Variants in ZGLP1 observed in about 807,000 individuals in gnomAD.
ZGLP1 encodes GATA-type zinc finger protein 1.
In ZGLP1, 11 loss-of-function variants were observed where a neutral mutation model predicts 21.4. That is an observed-to-expected ratio of 0.51 (90% CI 0.32 to 0.85). The LOEUF (loss-of-function observed/expected upper bound fraction) is 0.85, where lower values mean the gene tolerates loss of function less well. Among genes scored for constraint, ZGLP1 ranks in the 40% least tolerant of loss-of-function variants. ZGLP1 has a pLI of 0.03. For missense variants in ZGLP1, 295 were observed against 355.6 expected (o/e 0.83, Z 1.37); for synonymous variants, 148 against 145.0 (o/e 1.02, Z -0.15).
chr19:10,307,984 A>G (rs552876230), intron 1 of ZGLP1, among the ~76,000 whole-genome samples: 201 of 152,364 alleles, frequency 1.3e-3, no homozygotes, highest in African/African-American at 4.7e-3. Flanking sequence ...CAGGTCTCAC[A>G]TTGGGAGTGG....
exon 1 of ZGLP1, chr19:10,308,211 G>A (rs775790609): frequency 9.7e-6 from 15 of 1,547,888 alleles, no homozygotes; most frequent in Non-Finnish European, 1.3e-5. Flanking sequence ...TCTGCAGGCT[G>A]GAGTCCGGCT....
chr19:10,308,290 A>G, exon 1 of ZGLP1: 1 of 1,611,174 alleles, frequency 6.2e-7, no homozygotes, highest in Non-Finnish European at 8.5e-7. Context: ...GCAGGGGTTC[A>G]GCTGTTTCCG....
chr19:10,308,808 GCA>G, exon 1 of ZGLP1: 1 of 850,898 alleles, frequency 1.2e-6, no homozygotes, highest in Non-Finnish European at 1.6e-6. Context: ...GATCACCCAG[GCA>G]GGGACCGCCC....
chr19:10,307,202 A>G (rs1191512889), intron 1 of ZGLP1, among the ~76,000 whole-genome samples: 1 of 152,030 alleles, frequency 6.6e-6, no homozygotes, highest in East Asian at 1.9e-4. Context: ...TTATAATAAC[A>G]ATAAATAGGT....
In ZGLP1 at chr19:10,305,533, C is replaced by G. The variant is rs747718950; in HGVS notation, c.605-50G>C. On this transcript the variant is annotated intron_variant, in intron 2 of 3. Coordinates refer to ENST00000403903, the Ensembl canonical transcript of ZGLP1. The surrounding 1 kb of genome is among the most constrained non-coding windows in gnomAD (Gnocchi z 4.7). ...AGGGGTCAGAGGCCAAGCATGTGAG[C>G]TCGGGATGCCTGTGCGGAGTCGGGC... 5.4e-6 allele frequency: 8 copies of G among 1,490,150 alleles called. 1 individual carries two copies. The Admixed American group carries it at 1.4e-4, about 26-fold the overall frequency. The allele number at this position is 1,490,150 out of a possible 1,614,324, so 92.3% of individuals were successfully genotyped here.
In ZGLP1 at chr19:10,308,181, C is replaced by T. The variant is rs750603178; in HGVS notation, c.497+4G>A. Reference sequence around the variant, plus strand: ...AGGGCGGCCTGGCCCCAGCCGGCCCCTACCTGTACGTGGGGATGATCTGCA... The same window carrying T: ...AGGGCGGCCTGGCCCCAGCCGGCCCTTACCTGTACGTGGGGATGATCTGCA... On this transcript the variant is annotated splice_donor_region_variant and intron_variant, in intron 1 of 3. Coordinates refer to ENST00000403903, the Ensembl canonical transcript of ZGLP1. 3 of 1,525,448 alleles carry T rather than the reference C, an allele frequency of 2.0e-6. No individual in the cohort carries two copies. The highest frequency in any genetic ancestry group is 2.6e-6 in the Non-Finnish European group (3 of 1,137,530). The allele number at this position is 1,525,448 out of a possible 1,614,324, so 94.5% of individuals were successfully genotyped here.
rs868462399 is a variant in ZGLP1, at chr19:10,306,012, T to G, written c.498-60A>C. On this transcript the variant is annotated intron_variant, in intron 1 of 3. Transcript: ENST00000403903. ...ATCTGTAGCTTGTCCCCAACAGCCC[T>G]CCGAAATGAAGATTTAGTATCAAGG... The G allele has an allele frequency of 2.9e-4, 363 of 1,259,688 alleles. 3 individuals are homozygous for G. The Middle Eastern group carries it at 2.9e-3, about 10-fold the overall frequency. 78.0% of individuals were successfully genotyped at this position (1,259,688 alleles called of 1,614,324 possible).
chr19:10,305,700 G>T lies in ZGLP1; in HGVS notation c.604+146C>A. The T allele has an allele frequency of 2.6e-6, 2 of 763,634 alleles. No individual in the cohort carries two copies. Among genetic ancestry groups the T allele is most frequent in the Admixed American group, 2.1e-5 (1 of 47,648 alleles). The allele number at this position is 763,634 out of a possible 1,614,324, so 47.3% of individuals were successfully genotyped here. On this transcript the variant is annotated intron_variant, in intron 2 of 3. Coordinates refer to ENST00000403903, the Ensembl canonical transcript of ZGLP1. This position sits in a 1 kb window ranked among gnomAD's most constrained non-coding sequence, Gnocchi z 4.7. ...GGAAGCTGGGGGTGGGGGTGACTCA[G>T]CCCAAGTGGAGGGGGGTGCTGCGAC... is the stretch of plus-strand genomic sequence containing the variant.
chr19:10,305,199 T>C lies in ZGLP1; in HGVS notation c.708A>G (p.Lys236=). 1.2e-6 allele frequency: 2 copies of C among 1,613,972 alleles called. No homozygotes were observed. Among genetic ancestry groups the C allele is most frequent in the Non-Finnish European group, 1.7e-6 (2 of 1,179,884 alleles). The change falls in exon 4 of 4, where the codon AAA becomes AAG. Residue 236 remains lysine (K), a synonymous_variant. Coordinates refer to ENST00000403903, the Ensembl canonical transcript of ZGLP1. This position sits in a 1 kb window ranked among gnomAD's most constrained non-coding sequence, Gnocchi z 4.7. ...AGCAGCTGGAGCAGCGAGTGCCGTA[T>C]TTCTTGTACCTAGGGTTGGGGGACA...
chr19:10,308,139 C>T (rs908104055), intron 1 of ZGLP1, 46 bp downstream of exon 2: 1 of 1,507,292 alleles, frequency 6.6e-7, no homozygotes, highest in South Asian at 1.3e-5. Context: ...CTGGTGTTTG[C>T]GTTGTAACTG....
rs1054545448 is a variant in ZGLP1 at position 10,304,806 on chromosome 19, C to T, written c.*285G>A. 6 of 405,302 alleles carry T rather than the reference C, an allele frequency of 1.5e-5. No homozygotes were observed. The Admixed American group carries it at 2.1e-4, about 14-fold the overall frequency. The allele number at this position is 405,302 out of a possible 1,614,324, so 25.1% of individuals were successfully genotyped here. On this transcript the variant is annotated 3_prime_UTR_variant, in exon 4 of 4. Transcript: ENST00000403903. ...ATCCCAAATCACAGGCTTTTTCTCT[C>T]GGCATATCTCTGTACTTTATTGTCC... is the stretch of plus-strand genomic sequence containing the variant.
At chr19:10,308,137 T>G in intron 1 of ZGLP1, 48 bp downstream of exon 2, 3 of 1,506,340 alleles carry the variant, frequency 2.0e-6, no homozygotes, top group Non-Finnish European at 2.6e-6. Flanking sequence ...CACTGGTGTT[T>G]GCGTTGTAAC....
Position 10,305,223 on chromosome 19 carries a change from C to T in ZGLP1, c.699-15G>A. The stretch of plus-strand genomic sequence containing the variant: ...ATTTCTTGTACCTAGGGTTGGGGGA[C>T]AAGAAACTGCCATTTAGGATGCAGT... On this transcript the variant is annotated splice_polypyrimidine_tract_variant and intron_variant, in intron 3 of 3. Transcript: ENST00000403903. The surrounding 1 kb of genome is among the most constrained non-coding windows in gnomAD (Gnocchi z 4.7). 2 of 1,612,008 alleles carry T rather than the reference C, an allele frequency of 1.2e-6. No individual in the cohort carries two copies. The highest frequency in any genetic ancestry group is 1.3e-5 in the African/African-American group (1 of 74,970).
Position 10,305,480 on chromosome 19 carries a change from G to A in ZGLP1, c.608C>T (p.Pro203Leu). ...GGTCCGACAGGAAGCACAGCGCCGG[G>A]GCTCTGAAGGGTCAGAGGTCAAAGG... Residue 203 changes from proline (P) to leucine (L), a missense_variant, in exon 3 of 4, where the codon CCC (proline) becomes CTC (leucine). Pro to Leu is a moderately conservative substitution (Grantham distance 98). Coordinates refer to ENST00000403903, the Ensembl canonical transcript of ZGLP1. The surrounding 1 kb of genome is among the most constrained non-coding windows in gnomAD (Gnocchi z 4.7). 1 of 1,592,650 alleles carries A rather than the reference G, an allele frequency of 6.3e-7. No individual in the cohort carries two copies. Among genetic ancestry groups the A allele is most frequent in the Non-Finnish European group, 8.5e-7 (1 of 1,169,778 alleles).
rs1458068835 is a variant in ZGLP1 at position 10,305,123 on chromosome 19, C to T, written c.784G>A (p.Gly262Arg). 6.2e-7 allele frequency: 1 copy of T among 1,613,970 alleles called. No individual in the cohort carries two copies. Among genetic ancestry groups the T allele is most frequent in the South Asian group, 1.1e-5 (1 of 91,090 alleles). The change falls in exon 4 of 4, where the codon GGA becomes AGA. Residue 262 changes from glycine to arginine, a missense_variant. This residue lies in a region of ZGLP1 where 43 missense variants were observed against 91.7 expected (regional missense o/e 0.47). Coordinates refer to ENST00000403903, the Ensembl canonical transcript of ZGLP1. This position sits in a 1 kb window ranked among gnomAD's most constrained non-coding sequence, Gnocchi z 4.7. The stretch of plus-strand genomic sequence containing the variant: ...TCCTGAATGGGGTCCAGGGACACTC[C>T]ACATCTGCCACATAGCCTCTTGGGC...
chr19:10,304,928 G>A (rs1015986496), exon 4 of ZGLP1: 5 of 630,062 alleles, frequency 7.9e-6, no homozygotes, highest in African/African-American at 1.8e-5. Flanking sequence ...AGCAGGCTCT[G>A]CCACCTGAGG....
rs746839487 is a variant in ZGLP1, at chr19:10,305,979, T to TG, written c.498-28dup. 43 of 1,491,204 alleles carry TG rather than the reference T, an allele frequency of 2.9e-5. No homozygotes were observed. Among genetic ancestry groups the TG allele is most frequent in the Admixed American group, 1.2e-4 (6 of 49,786 alleles). The allele number at this position is 1,491,204 out of a possible 1,614,324, so 92.4% of individuals were successfully genotyped here. A position where few individuals can be genotyped will look rare whatever the true frequency, so the allele number is the denominator to read the frequency against. ...TGTGGGGCAGACAAGGTATTAGCAC[T>TG]GGGGGGGATCTGTAGCTTGTCCCCA... On this transcript the variant is annotated intron_variant, in intron 1 of 3. Coordinates refer to ENST00000403903, the Ensembl canonical transcript of ZGLP1. The surrounding 1 kb of genome is among the most constrained non-coding windows in gnomAD (Gnocchi z 4.7).
At chr19:10,304,830 C>A (rs1277532560) in exon 4 of ZGLP1, 2 of 526,316 alleles carry the variant, frequency 3.8e-6, no homozygotes, top group Non-Finnish European at 6.7e-6. Flanking sequence ...ACTTTATTGT[C>A]CCTGCTGTAA....
chr19:10,306,407 C>A (rs1001288621), intron 1 of ZGLP1, among the ~76,000 whole-genome samples: 1 of 151,892 alleles, frequency 6.6e-6, no homozygotes, highest in Non-Finnish European at 1.5e-5. Flanking sequence ...GCTACCGTGC[C>A]CGACCTAATT....
Sources: gnomAD v4.1 joint callset for allele counts (sites outside exome capture counted in the v4.1 genomes callset) on GRCh38, gnomAD v4.1.1 for gene constraint, gnomAD v4.1.1 regional missense constraint, Gnocchi (gnomAD v3.1) non-coding constraint, MANE v1.5 for transcripts, NCBI Gene and HGNC (gene_info 2026-07-23, HGNC 2026-07-21) for gene names.